Variants in MALRD1 observed in about 807,000 individuals in gnomAD.
MALRD1 encodes the protein MAM and LDL receptor class A domain containing 1.
MALRD1 carries 247 observed loss-of-function variants against 242.1 expected under a neutral mutation model. That is an observed-to-expected ratio of 1.02 (90% confidence interval 0.92 to 1.13). The LOEUF (loss-of-function observed/expected upper bound fraction) is 1.13. Ranked by LOEUF, MALRD1 falls within the 50% of genes most tolerant of loss-of-function variation. The probability of loss-of-function intolerance (pLI) is 0.00; values close to 1 mark genes in which losing one functional copy is unlikely to be tolerated. For synonymous variants in MALRD1, 995 were observed against 866.6 expected (o/e 1.15, Z -2.60); for missense variants, 2,989 against 2,533.1 (o/e 1.18, Z -3.86).
intron 36 of MALRD1, among the ~76,000 whole-genome samples, chr10:19,647,699 G>A (rs578040521): frequency 1.5e-4 from 23 of 152,270 alleles, no homozygotes; most frequent in Middle Eastern, 3.4e-3. Flanking sequence ...GACATCTTAT[G>A]TGTCAAAAAG....
chr10:19,102,256 A>G (rs1836293506), intron 4 of MALRD1, among the ~76,000 whole-genome samples: 1 of 151,724 alleles, frequency 6.6e-6, no homozygotes, highest in Admixed American at 6.6e-5. Context: ...ACTTTTAATC[A>G]CTGTGTTATA....
chr10:19,560,822 TA>T (rs1243926325), intron 32 of MALRD1, among the ~76,000 whole-genome samples: 1 of 151,552 alleles, frequency 6.6e-6, no homozygotes, highest in East Asian at 1.9e-4. Context: ...GGGTGGGGGA[TA>T]GGGGAGGGAT....
intron 1 of MALRD1, among the ~76,000 whole-genome samples, chr10:19,056,912 C>T (rs558035567): frequency 7.2e-5 from 11 of 151,994 alleles, no homozygotes; most frequent in East Asian, 1.9e-4. Flanking sequence ...ATGCTTTCTC[C>T]GAATCTATTG....
At chr10:19,423,150 CATCTAA>C (rs1011484152) in intron 28 of MALRD1, among the ~76,000 whole-genome samples, 1 of 152,116 alleles carries the variant, frequency 6.6e-6, no homozygotes, top group Non-Finnish European at 1.5e-5. Flanking sequence ...GTTTGAGGAT[CATCTAA>C]ATCTTATGTA....
chr10:19,141,366 C>G (rs1325784762), intron 10 of MALRD1, among the ~76,000 whole-genome samples: 1 of 151,860 alleles, frequency 6.6e-6, no homozygotes, highest in East Asian at 1.9e-4. Context: ...AACGGTGGTT[C>G]CCAGGGTTTG....
At chr10:19,498,873 C>T (rs1837841621) in intron 31 of MALRD1, among the ~76,000 whole-genome samples, 1 of 152,150 alleles carries the variant, frequency 6.6e-6, no homozygotes, top group Non-Finnish European at 1.5e-5. Flanking sequence ...TTTTAAGAGA[C>T]TCACAGATTT....
chr10:19,468,801 T>A (rs1026043704), intron 29 of MALRD1, among the ~76,000 whole-genome samples: 7 of 152,024 alleles, frequency 4.6e-5, no homozygotes, highest in African/African-American at 1.7e-4. Context: ...CTTGTTTAAT[T>A]TTTTGCCCTT....
At chr10:19,560,616 A>G (rs1012719105) in intron 32 of MALRD1, among the ~76,000 whole-genome samples, 2 of 152,222 alleles carry the variant, frequency 1.3e-5, no homozygotes, top group South Asian at 4.1e-4. Context: ...TATACACCAT[A>G]GAATACTATG....
chr10:19,691,286 C>T lies in MALRD1; in HGVS notation c.6138-996C>T, dbSNP rs565803658. Among the ~76,000 whole-genome samples the T allele has an allele frequency of 2.0e-5, 3 of 152,182 alleles. No homozygotes were observed. The East Asian group carries it at 5.8e-4, about 29-fold the overall frequency. On this transcript the variant is annotated intron_variant, in intron 36 of 39. Coordinates refer to ENST00000454679, the MANE Select transcript of MALRD1 (RefSeq NM_001142308.3). ...AAAGAAAGAAAGGCATTCTGATAGG[C>T]CTCCATGAACCTCCACGCTTTTTAT...
chr10:19,257,298 A>G (rs1400842632), intron 18 of MALRD1, among the ~76,000 whole-genome samples: 1 of 152,164 alleles, frequency 6.6e-6, no homozygotes, highest in Non-Finnish European at 1.5e-5. Context: ...TTTGGGAAAC[A>G]GATGACCCAG....
chr10:19,699,999 G>A (rs1419739690), intron 38 of MALRD1, among the ~76,000 whole-genome samples: 2 of 147,498 alleles, frequency 1.4e-5, no homozygotes, highest in Admixed American at 6.9e-5. Flanking sequence ...ATGATAGAAG[G>A]GTCCCAAGTG....
chr10:19,112,215 G>T (rs1836703249), intron 5 of MALRD1, among the ~76,000 whole-genome samples: 1 of 150,648 alleles, frequency 6.6e-6, no homozygotes, highest in African/African-American at 2.4e-5. Flanking sequence ...TAGCATTTGG[G>T]AACCACAAGG....
At chr10:19,057,880 C>T (rs1834714131) in intron 1 of MALRD1, among the ~76,000 whole-genome samples, 1 of 152,100 alleles carries the variant, frequency 6.6e-6, no homozygotes, top group South Asian at 2.1e-4. Flanking sequence ...ATGTAAACTA[C>T]ACCAACATTA....
At chr10:19,504,676 T>C (rs1456266375) in intron 31 of MALRD1, among the ~76,000 whole-genome samples, 1 of 133,838 alleles carries the variant, frequency 7.5e-6, no homozygotes. Flanking sequence ...TTTTTTTTTT[T>C]TTTTTTTTTT....
At chr10:19,271,128 T>C (rs919266686) in intron 19 of MALRD1, among the ~76,000 whole-genome samples, 1 of 152,198 alleles carries the variant, frequency 6.6e-6, no homozygotes, top group Non-Finnish European at 1.5e-5. Context: ...ATTCCGTTTC[T>C]AGATACATAA....
chr10:19,613,830 C>A (rs1158657999), intron 35 of MALRD1, among the ~76,000 whole-genome samples: 1 of 151,956 alleles, frequency 6.6e-6, no homozygotes, highest in Non-Finnish European at 1.5e-5. Context: ...ACATGCAACA[C>A]CCTCTTCTCT....
intron 13 of MALRD1, 56 bp downstream of exon 13, chr10:19,165,866 C>G: frequency 8.4e-7 from 1 of 1,186,822 alleles, no homozygotes; most frequent in African/African-American, 1.6e-5. Flanking sequence ...TAATGCTAAA[C>G]CTTTCAGATA....
chr10:19,216,738 G>A (rs1465385821), intron 18 of MALRD1, among the ~76,000 whole-genome samples: 1 of 151,640 alleles, frequency 6.6e-6, no homozygotes, highest in African/African-American at 2.4e-5. Context: ...GAGGTCAGGA[G>A]ATCGAGACCA....
chr10:19,719,732 C>G (rs1370767754), intron 38 of MALRD1, among the ~76,000 whole-genome samples: 2 of 151,924 alleles, frequency 1.3e-5, no homozygotes, highest in African/African-American at 4.8e-5. Context: ...CAGTTTGTTC[C>G]TTAAGGACTT....
Sources: allele counts gnomAD v4.1 joint callset (sites outside exome capture counted in the v4.1 genomes callset), GRCh38; gene constraint gnomAD v4.1.1; transcripts MANE v1.5; gene names NCBI Gene and HGNC (gene_info 2026-07-23, HGNC 2026-07-21).